The following SYN3 variants were observed in gnomAD, a reference collection of about 807,000 sequenced individuals.
The protein encoded by SYN3 is synapsin-3.
In SYN3, 35 loss-of-function variants were observed where a neutral mutation model predicts 65.8. The observed-to-expected ratio is 0.53, with a 90% CI of 0.41 to 0.70. SYN3 has a LOEUF of 0.70. SYN3 is among the 30% of genes least tolerant of loss of function. SYN3 has a pLI of 0.00. For synonymous variants in SYN3, 270 were observed against 292.9 expected (o/e 0.92, Z 0.80); for missense variants, 680 against 749.0 (o/e 0.91, Z 1.08).
chr22:32,641,007 TGCCTGGGCATTC>T (rs1305381360), intron 6 of SYN3, among the ~76,000 whole-genome samples: 4 of 152,226 alleles, frequency 2.6e-5, no homozygotes, highest in Admixed American at 6.5e-5. Flanking sequence ...AAGCTGGGTG[TGCCTGGGCATTC>T]GCCCAGGTCT....
chr22:32,644,830 T>G (rs1250894912), intron 6 of SYN3, among the ~76,000 whole-genome samples: 2 of 152,088 alleles, frequency 1.3e-5, no homozygotes, highest in East Asian at 3.9e-4. Context: ...CCTTGGTGGC[T>G]TTTCTCCTCT....
chr22:32,631,033 C>T (rs1411314168), intron 6 of SYN3, among the ~76,000 whole-genome samples: 1 of 152,158 alleles, frequency 6.6e-6, no homozygotes, highest in Admixed American at 6.5e-5. Context: ...GTGGCTCACG[C>T]CTGTAATCCC....
intron 4 of SYN3, among the ~76,000 whole-genome samples, chr22:32,910,192 G>T (rs1569319956): frequency 6.6e-6 from 1 of 152,120 alleles, no homozygotes; most frequent in Admixed American, 6.5e-5. Flanking sequence ...GCTAGCCCAC[G>T]TGTTTTTAAA....
At chr22:33,000,093 C>T (rs1283155009) in intron 2 of SYN3, among the ~76,000 whole-genome samples, 2 of 152,086 alleles carry the variant, frequency 1.3e-5, no homozygotes, top group Admixed American at 6.5e-5. Context: ...AGGCTGGGCA[C>T]GGTGGCTCAC....
chr22:32,930,887 A>G (rs2050609857), intron 4 of SYN3: 2 of 153,154 alleles, frequency 1.3e-5, no homozygotes, highest in Non-Finnish European at 2.9e-5. Context: ...AACATATTAT[A>G]TATCTAGTGC....
intron 6 of SYN3, among the ~76,000 whole-genome samples, chr22:32,772,786 G>A (rs2045808032): frequency 6.7e-6 from 1 of 148,542 alleles, no homozygotes. Context: ...ACTGGAAGAG[G>A]CAAGAGAGGG....
intron 6 of SYN3, among the ~76,000 whole-genome samples, chr22:32,758,061 A>G (rs1340074866): frequency 2.6e-5 from 4 of 152,248 alleles, no homozygotes; most frequent in Non-Finnish European, 5.9e-5. Context: ...TTGTACTAAG[A>G]AAATATTTTC....
rs1301756152 is a variant in SYN3, at chr22:32,674,055, G to C, written c.712-77319C>G. Among the ~76,000 whole-genome samples the C allele has an allele frequency of 3.9e-5, 6 of 152,240 alleles. No homozygotes were observed. The South Asian group carries it at 6.2e-4, about 16-fold the overall frequency. On this transcript the variant is annotated intron_variant, in intron 6 of 13. Coordinates refer to ENST00000358763, the MANE Select transcript of SYN3 (RefSeq NM_003490.4). ...CCCAGGCAAGAGATGGCAAGGGTGA[G>C]AGTGTGGATAGTGGCACAGGGGATG...
chr22:32,755,687 A>G (rs759239459), intron 6 of SYN3, among the ~76,000 whole-genome samples: 10 of 152,162 alleles, frequency 6.6e-5, no homozygotes, highest in Non-Finnish European at 1.5e-4. Flanking sequence ...GAGGAAGAAC[A>G]CTTTGTCATT....
chr22:32,781,017 TTC>T (rs200911798), intron 6 of SYN3, among the ~76,000 whole-genome samples: 8 of 134,168 alleles, frequency 6.0e-5, no homozygotes, highest in African/African-American at 8.4e-5. Flanking sequence ...CTTTCTTTCT[TTC>T]TCTCTCTCTT....
intron 6 of SYN3, among the ~76,000 whole-genome samples, chr22:32,679,267 G>A (rs2147104074): frequency 6.6e-6 from 1 of 151,840 alleles, no homozygotes; most frequent in East Asian, 1.9e-4. Flanking sequence ...TGGCCAGGAT[G>A]GTCTCGATCT....
chr22:32,509,637 C>T lies in SYN3; in HGVS notation c.*4055G>A, dbSNP rs192297953. ...AGGCTGGAGTGCAGTGGTGCGATCT[C>T]GGCTCACTGCAAGCTCCGCCTCCCG... On this transcript the variant is annotated 3_prime_UTR_variant, in exon 14 of 14. Coordinates refer to ENST00000358763, the MANE Select transcript of SYN3 (RefSeq NM_003490.4). Among the ~76,000 whole-genome samples, 3 of 152,060 alleles carry T rather than the reference C, an allele frequency of 2.0e-5. No individual in the cohort carries two copies. The highest frequency in any genetic ancestry group is 1.9e-4 in the East Asian group (1 of 5,150).
intron 5 of SYN3, among the ~76,000 whole-genome samples, chr22:32,867,454 G>C (rs1249074043): frequency 6.6e-6 from 1 of 152,162 alleles, no homozygotes; most frequent in Non-Finnish European, 1.5e-5. Flanking sequence ...CTACATGAAC[G>C]AATAACTTCT....
intron 6 of SYN3, among the ~76,000 whole-genome samples, chr22:32,712,825 T>C (rs1463767238): frequency 2.0e-5 from 3 of 152,200 alleles, no homozygotes; most frequent in Non-Finnish European, 2.9e-5. Context: ...TCCCTCTGCC[T>C]GGAATGTGCG....
chr22:32,625,208 G>A (rs1251209551), intron 6 of SYN3, among the ~76,000 whole-genome samples: 1 of 152,178 alleles, frequency 6.6e-6, no homozygotes, highest in East Asian at 1.9e-4. Flanking sequence ...GAATGTGGAC[G>A]GATTTCACTG....
intron 6 of SYN3, among the ~76,000 whole-genome samples, chr22:32,751,508 G>A (rs191795679): frequency 6.6e-6 from 1 of 152,322 alleles, no homozygotes; most frequent in African/African-American, 2.4e-5. Flanking sequence ...TCTTGGGCAA[G>A]GTGTGTCTCT....
At chr22:32,807,102 A>G (rs1397716630) in intron 6 of SYN3, among the ~76,000 whole-genome samples, 1 of 150,632 alleles carries the variant, frequency 6.6e-6, no homozygotes, top group Non-Finnish European at 1.5e-5. Flanking sequence ...CAGTCTCCTG[A>G]CTGCCCCCCT....
chr22:32,762,475 T>G (rs1465704384), intron 6 of SYN3, among the ~76,000 whole-genome samples: 4 of 152,220 alleles, frequency 2.6e-5, no homozygotes, highest in Admixed American at 2.6e-4. Flanking sequence ...ACATCTGAAT[T>G]GGAAAAGGAC....
Position 32,679,217 on chromosome 22 carries a change from T to A in SYN3, c.712-82481A>T, listed in dbSNP as rs1189058782. On this transcript the variant is annotated intron_variant, in intron 6 of 13. Coordinates refer to ENST00000358763, the MANE Select transcript of SYN3 (RefSeq NM_003490.4). Reference sequence around the variant, plus strand: ...ACAGGCACCCACAACCACATCCAGCTAATTTTTGTATTTTTAGTAGAGACA... The same window carrying A: ...ACAGGCACCCACAACCACATCCAGCAAATTTTTGTATTTTTAGTAGAGACA... Among the ~76,000 whole-genome samples the A allele has an allele frequency of 2.6e-5, 4 of 151,988 alleles. No homozygotes were observed. In the South Asian group the frequency reaches 8.3e-4, roughly 32 times the overall value.
Sources: allele counts gnomAD v4.1 joint callset (sites outside exome capture counted in the v4.1 genomes callset), GRCh38; gene constraint gnomAD v4.1.1; transcripts MANE v1.5; gene names NCBI Gene and HGNC (gene_info 2026-07-23, HGNC 2026-07-21).